SNX25: variants seen among roughly 807,000 people sequenced by gnomAD.
SNX25 encodes sorting nexin 25, also known as sorting nexin-25.
In SNX25, 62 loss-of-function variants were observed where a neutral mutation model predicts 113.7. The ratio of observed to expected loss-of-function variants is 0.55; its 90% CI spans 0.44 to 0.67. The LOEUF (loss-of-function observed/expected upper bound fraction) is 0.67. Among genes scored for constraint, SNX25 ranks in the 30% least tolerant of loss-of-function variants. The probability of loss-of-function intolerance (pLI) is 0.00; values close to 1 mark genes in which losing one functional copy is unlikely to be tolerated. For synonymous variants in SNX25, 421 were observed against 436.2 expected (o/e 0.97, Z 0.43); for missense variants, 1,014 against 1,161.0 (o/e 0.87, Z 1.84).
intron 13 of SNX25, among the ~76,000 whole-genome samples, chr4:185,350,781 G>GAACCC (rs2095311080): frequency 2.0e-5 from 3 of 152,176 alleles, no homozygotes; most frequent in Admixed American, 2.0e-4. Flanking sequence ...AGAATTGCTG[G>GAACCC]AACCCAGGAG....
At chr4:185,206,459 G>A (rs531053719), upstream of SNX25, among the ~76,000 whole-genome samples, 23 of 146,834 alleles carry the variant, frequency 1.6e-4, no homozygotes, top group Admixed American at 4.1e-4. Flanking sequence ...TCCTGAGGTC[G>A]GGGGGTTGAG....
In SNX25 at chr4:185,353,709, T is replaced by C. The variant is rs370584265; in HGVS notation, c.2584+107T>C. ...CTTTATTGCTGAAATGCATCAGACA[T>C]GTATTTATATTCATGCATCCATTCA... On this transcript the variant is annotated intron_variant, in intron 15 of 18. Coordinates refer to ENST00000652585, the MANE Select transcript of SNX25 (RefSeq NM_001378034.2). 65 of 914,076 alleles carry C rather than the reference T, an allele frequency of 7.1e-5. 1 individual carries two copies. In the East Asian group the frequency reaches 1.2e-3, roughly 16 times the overall value. 56.6% of individuals were successfully genotyped at this position (914,076 alleles called of 1,614,324 possible).
intron 2 of SNX25, among the ~76,000 whole-genome samples, chr4:185,253,842 G>A (rs1746016569): frequency 1.3e-5 from 2 of 152,204 alleles, no homozygotes; most frequent in African/African-American, 2.4e-5. Flanking sequence ...AATTTCAGTG[G>A]TAAATATGCC....
At chr4:185,371,403 A>G (rs144239921), downstream of SNX25, among the ~76,000 whole-genome samples, 4,247 of 152,096 alleles carry the variant, frequency 0.028, 71 homozygotes, top group African/African-American at 0.037. Flanking sequence ...TTAGCTGGGC[A>G]TGGTAGCGGG....
At chr4:185,226,176 C>G (rs1472806316) in intron 1 of SNX25, among the ~76,000 whole-genome samples, 1 of 152,296 alleles carries the variant, frequency 6.6e-6, no homozygotes, top group Non-Finnish European at 1.5e-5. Flanking sequence ...TAGCGTGAAA[C>G]CCATCAGGCA....
intron 12 of SNX25, among the ~76,000 whole-genome samples, chr4:185,345,731 C>T (rs1248450609): frequency 1.3e-5 from 2 of 151,986 alleles, no homozygotes; most frequent in African/African-American, 4.8e-5. Flanking sequence ...ATCAAGGCTG[C>T]CATGAGCCAT....
intron 5 of SNX25, among the ~76,000 whole-genome samples, chr4:185,280,625 A>G (rs879910105): frequency 3.3e-5 from 5 of 152,250 alleles, no homozygotes; most frequent in Non-Finnish European, 7.3e-5. Flanking sequence ...TATAACAGAC[A>G]CTAAAGCCAC....
chr4:185,331,836 A>G (rs1235370844), intron 9 of SNX25, among the ~76,000 whole-genome samples: 1 of 152,224 alleles, frequency 6.6e-6, no homozygotes, highest in Non-Finnish European at 1.5e-5. Flanking sequence ...GACCATTGGT[A>G]CTTTATTTTT....
At chr4:185,296,756 CAATT>C (rs796465366) in intron 6 of SNX25, among the ~76,000 whole-genome samples, 49 of 152,236 alleles carry the variant, frequency 3.2e-4, no homozygotes, top group African/African-American at 1.1e-3. Flanking sequence ...CAGTTTGAAA[CAATT>C]AGTCTCTGAA....
At chr4:185,296,501 T>C (rs1752859466) in intron 6 of SNX25, among the ~76,000 whole-genome samples, 1 of 152,166 alleles carries the variant, frequency 6.6e-6, no homozygotes. Flanking sequence ...ATTTTTTTCT[T>C]GATGGCCTTT....
chr4:185,269,262 T>TAC (rs146164781), intron 5 of SNX25, among the ~76,000 whole-genome samples: 1 of 151,912 alleles, frequency 6.6e-6, no homozygotes, highest in Non-Finnish European at 1.5e-5. Context: ...AAACTGTACG[T>TAC]ACACACACAC....
At chr4:185,244,933 G>A (rs1373509266) in intron 1 of SNX25, among the ~76,000 whole-genome samples, 4 of 152,076 alleles carry the variant, frequency 2.6e-5, no homozygotes, top group Non-Finnish European at 1.5e-5. Flanking sequence ...GATACCATGA[G>A]ACTAATCAAG....
chr4:185,230,247 A>G (rs1741635386), intron 1 of SNX25, among the ~76,000 whole-genome samples: 1 of 152,220 alleles, frequency 6.6e-6, no homozygotes, highest in Admixed American at 6.5e-5. Context: ...AAGAGTTCAT[A>G]CTGCCTCTTG....
At chr4:185,348,705 C>T (rs2126736975) in intron 13 of SNX25, among the ~76,000 whole-genome samples, 1 of 152,280 alleles carries the variant, frequency 6.6e-6, no homozygotes, top group East Asian at 1.9e-4. Context: ...CCACATTTAT[C>T]ATTTCTTCGT....
chr4:185,370,933 C>T (rs1473402499), downstream of SNX25: 1 of 1,121,124 alleles, frequency 8.9e-7, no homozygotes, highest in Admixed American at 2.0e-5. Context: ...GCTTTGAGAA[C>T]TAAGTTGTTT....
chr4:185,240,218 TC>T (rs1169225427), intron 1 of SNX25, among the ~76,000 whole-genome samples: 1 of 151,834 alleles, frequency 6.6e-6, no homozygotes, highest in Non-Finnish European at 1.5e-5. Context: ...TCCCCACCTT[TC>T]CCCCCTTTCT....
Position 185,218,243 on chromosome 4 carries a change from C to A in SNX25, c.429+7988C>A, listed in dbSNP as rs557783708. Among the ~76,000 whole-genome samples, 11 of 152,328 alleles carry A rather than the reference C, an allele frequency of 7.2e-5. No individual in the cohort carries two copies. In the East Asian group the frequency reaches 2.1e-3, roughly 29 times the overall value. The stretch of plus-strand genomic sequence containing the variant: ...GGGATTACAGGCGCCCGCCATCAAG[C>A]CTGGCTAATTTTTGTATTTTTAGTA... On this transcript the variant is annotated intron_variant, in intron 1 of 18. Coordinates refer to ENST00000652585, the MANE Select transcript of SNX25 (RefSeq NM_001378034.2).
rs1018192560 is a variant in SNX25, at chr4:185,210,613, G to A, written c.429+358G>A. On this transcript the variant is annotated intron_variant, in intron 1 of 18. Coordinates refer to ENST00000652585, the MANE Select transcript of SNX25 (RefSeq NM_001378034.2). This position sits in a 1 kb window ranked among gnomAD's most constrained non-coding sequence, Gnocchi z 4.4. ...GAATCACAGCGTTCGCTACGTGCAG[G>A]CTCTGCGCACGGTCCTGGCGATCCG... 1.3e-5 allele frequency among the ~76,000 whole-genome samples: 2 copies of A among 152,044 alleles called. No homozygotes were observed. The highest frequency in any genetic ancestry group is 2.4e-5 in the African/African-American group (1 of 41,392).
chr4:185,368,095 G>A (rs1007513896), downstream of SNX25, among the ~76,000 whole-genome samples: 1 of 152,076 alleles, frequency 6.6e-6, no homozygotes, highest in Non-Finnish European at 1.5e-5. Context: ...GGAGAATGGC[G>A]TGAACCTGGG....
Sources: gnomAD v4.1 joint callset for allele counts (sites outside exome capture counted in the v4.1 genomes callset) on GRCh38, gnomAD v4.1.1 for gene constraint, Gnocchi (gnomAD v3.1) non-coding constraint, MANE v1.5 for transcripts, NCBI Gene and HGNC (gene_info 2026-07-23, HGNC 2026-07-21) for gene names.